Variants in ERO1B observed in about 807,000 individuals in gnomAD.
ERO1B encodes the protein endoplasmic reticulum oxidoreductase 1 beta, also known as ERO1-like protein beta.
A neutral mutation model predicts 75.3 loss-of-function variants in ERO1B; 49 were observed. The ratio of observed to expected loss-of-function variants is 0.65; its 90% CI spans 0.52 to 0.83. ERO1B has a LOEUF of 0.83. ERO1B is among the 40% of genes least tolerant of loss of function. The pLI is 0.00. For missense variants in ERO1B, 512 were observed against 560.1 expected (o/e 0.91, Z 0.87); for synonymous variants, 191 against 192.9 (o/e 0.99, Z 0.08).
intron 6 of ERO1B, among the ~76,000 whole-genome samples, chr1:236,240,690 C>T (rs957305277): frequency 7.9e-5 from 12 of 152,334 alleles, no homozygotes; most frequent in South Asian, 6.2e-4. Context: ...GCATCTACCA[C>T]GTCCAGGCAC....
chr1:236,234,912 G>A (rs1370964594), intron 8 of ERO1B, among the ~76,000 whole-genome samples: 1 of 152,080 alleles, frequency 6.6e-6, no homozygotes, highest in Admixed American at 6.6e-5. Flanking sequence ...CGCCACACAC[G>A]AGTGTTAACT....
intron 1 of ERO1B, among the ~76,000 whole-genome samples, chr1:236,271,633 T>G (rs1665590915): frequency 6.6e-6 from 1 of 151,888 alleles, no homozygotes; most frequent in South Asian, 2.1e-4. Context: ...CTCCCTAGGT[T>G]TTAAAAATAT....
At chr1:236,268,515 T>A (rs1368087464) in intron 2 of ERO1B, among the ~76,000 whole-genome samples, 1 of 152,070 alleles carries the variant, frequency 6.6e-6, no homozygotes, top group African/African-American at 2.4e-5. Context: ...ATAGATAGAT[T>A]GATCAATCGA....
intron 7 of ERO1B, among the ~76,000 whole-genome samples, 185 bp downstream of exon 7, chr1:236,236,093 T>A (rs1464235240): frequency 6.6e-6 from 1 of 152,024 alleles, no homozygotes; most frequent in East Asian, 1.9e-4. Context: ...CCCGGCTAAT[T>A]TTTTTGTATT....
Position 236,236,264 on chromosome 1 carries a change from C to A in ERO1B, c.626+14G>T, listed in dbSNP as rs568191651. 1.2e-6 allele frequency: 2 copies of A among 1,612,884 alleles called. No homozygotes were observed. The highest frequency in any genetic ancestry group is 1.7e-6 in the Non-Finnish European group (2 of 1,179,342). ...CTATCAGTCGTTCCTTCTTCCCCCACCCCCTCCAGTTACTTGAAACAGTTC... is the reference window on the plus strand; with the variant it reads ...CTATCAGTCGTTCCTTCTTCCCCCAACCCCTCCAGTTACTTGAAACAGTTC... On this transcript the variant is annotated intron_variant, in intron 7 of 15. Coordinates refer to ENST00000354619, the MANE Select transcript of ERO1B (RefSeq NM_019891.4).
At chr1:236,230,970 G>A (rs957070258) in intron 9 of ERO1B, among the ~76,000 whole-genome samples, 1 of 151,648 alleles carries the variant, frequency 6.6e-6, no homozygotes, top group Non-Finnish European at 1.5e-5. Context: ...CATTGAAGGT[G>A]TAAATATCTG....
chr1:236,229,068 C>T (rs575449293), intron 10 of ERO1B, among the ~76,000 whole-genome samples: 1 of 152,272 alleles, frequency 6.6e-6, no homozygotes, highest in Non-Finnish European at 1.5e-5. Context: ...TAACTCCTAA[C>T]AGAATTTGCA....
Position 236,243,503 on chromosome 1 carries a change from A to G in ERO1B, c.432-8T>C. On this transcript the variant is annotated splice_polypyrimidine_tract_variant and splice_region_variant and intron_variant, in intron 5 of 15. Coordinates refer to ENST00000354619, the MANE Select transcript of ERO1B (RefSeq NM_019891.4). ...GCTTCTTTGCTTTGATTACTATGGG[A>G]AGGAGGAATAAAAAAGAAAAATTAT... The G allele has an allele frequency of 1.3e-6, 2 of 1,582,872 alleles. No individual in the cohort carries two copies. The highest frequency in any genetic ancestry group is 2.3e-5 in the East Asian group (1 of 44,120).
intron 10 of ERO1B, 53 bp from the exon 11 acceptor site, chr1:236,226,792 A>G: frequency 7.2e-7 from 1 of 1,396,592 alleles, no homozygotes; most frequent in Non-Finnish European, 1.0e-6. Context: ...TATCAGAAAT[A>G]TTGACTCAAG....
Position 236,255,330 on chromosome 1 carries a change from A to G in ERO1B, c.223-1825T>C, listed in dbSNP as rs535342691. 3.3e-5 allele frequency among the ~76,000 whole-genome samples: 5 copies of G among 152,120 alleles called. No homozygotes were observed. In the East Asian group the frequency reaches 7.7e-4, roughly 24 times the overall value. ...TTCGCCGCATTCAAGTCTCTCTCACATATCACACCTAAGCAGAGAGACCAT... is the reference window on the plus strand; with the variant it reads ...TTCGCCGCATTCAAGTCTCTCTCACGTATCACACCTAAGCAGAGAGACCAT... On this transcript the variant is annotated intron_variant, in intron 2 of 15. Coordinates refer to ENST00000354619, the MANE Select transcript of ERO1B (RefSeq NM_019891.4).
At chr1:236,219,886 A>C (rs961917217) in intron 15 of ERO1B, among the ~76,000 whole-genome samples, 3 of 151,974 alleles carry the variant, frequency 2.0e-5, no homozygotes, top group African/African-American at 7.2e-5. Context: ...TAGCCAGGCA[A>C]AATAGCATGT....
At chr1:236,278,450 C>T (rs903618605) in intron 1 of ERO1B, among the ~76,000 whole-genome samples, 4 of 151,926 alleles carry the variant, frequency 2.6e-5, no homozygotes, top group Non-Finnish European at 5.9e-5. Context: ...TATTAGTTTC[C>T]TCTCACTGGG....
Position 236,225,063 on chromosome 1 carries a change from T to G in ERO1B, c.1122+7A>C, listed in dbSNP as rs1312420424. On this transcript the variant is annotated splice_region_variant and intron_variant, in intron 13 of 15. Transcript: ENST00000354619. ...CCAACCCCGTGTCCCAATCGAGAAC[T>G]TTTTACCTTTAGTGACTTGGCCCCT... is the stretch of plus-strand genomic sequence containing the variant. 1.2e-6 allele frequency: 2 copies of G among 1,613,588 alleles called. No individual in the cohort carries two copies. Among genetic ancestry groups the G allele is most frequent in the Non-Finnish European group, 8.5e-7 (1 of 1,179,536 alleles).
chr1:236,255,373 A>G lies in ERO1B; in HGVS notation c.223-1868T>C, dbSNP rs553052375. On this transcript the variant is annotated intron_variant, in intron 2 of 15. Transcript: ENST00000354619. Reference sequence around the variant, plus strand: ...GAGACCATTCCTGGCCAGGCTTGCTAAAGTAGTGCTCAGTATGCAACCTCT... The same window carrying G: ...GAGACCATTCCTGGCCAGGCTTGCTGAAGTAGTGCTCAGTATGCAACCTCT... Among the ~76,000 whole-genome samples the G allele has an allele frequency of 3.3e-5, 5 of 152,196 alleles. No individual in the cohort carries two copies. The South Asian group carries it at 6.2e-4, about 19-fold the overall frequency.
rs550043100 is a variant in ERO1B at position 236,254,986 on chromosome 1, G to A, written c.223-1481C>T. On this transcript the variant is annotated intron_variant, in intron 2 of 15. Transcript: ENST00000354619. ...TACCCAGGCTGGAGTGCAGTGGCAC[G>A]AACCTGGCTCACTGCAGCCTCGAAC... 3.3e-5 allele frequency among the ~76,000 whole-genome samples: 5 copies of A among 151,232 alleles called. No individual in the cohort carries two copies. In the South Asian group the frequency reaches 1.0e-3, roughly 32 times the overall value.
intron 15 of ERO1B, chr1:236,220,590 A>C: frequency 3.5e-6 from 1 of 285,382 alleles, no homozygotes; most frequent in Non-Finnish European, 6.4e-6. Context: ...TTAGAAGAAT[A>C]TCTCCCTTAC....
chr1:236,221,979 G>T lies in ERO1B; in HGVS notation c.1154C>A (p.Ser385Tyr). The change falls in exon 14 of 16, where the codon TCC (serine) becomes TAC (tyrosine). Residue 385 changes from serine (S) to tyrosine (Y), a missense_variant. Coordinates refer to ENST00000354619, the MANE Select transcript of ERO1B (RefSeq NM_019891.4). Reference protein sequence around the residue: ...EEFRLHFKNISRIMDCVGCDK... With the variant: ...EEFRLHFKNIYRIMDCVGCDK... ...ACATCCAACACAGTCCATTATACGG[G>T]AGATATTCTTGAAATGTAATCGGAA... is the stretch of plus-strand genomic sequence containing the variant. 2 of 1,613,676 alleles carry T rather than the reference G, an allele frequency of 1.2e-6. No homozygotes were observed. The highest frequency in any genetic ancestry group is 1.7e-6 in the Non-Finnish European group (2 of 1,179,676).
intron 1 of ERO1B, among the ~76,000 whole-genome samples, chr1:236,273,867 G>T (rs922379999): frequency 1.3e-5 from 2 of 150,068 alleles, no homozygotes; most frequent in African/African-American, 4.9e-5. Context: ...GAATAGAACC[G>T]CTGAAAGTAT....
chr1:236,237,762 A>C (rs1394083989), intron 6 of ERO1B, among the ~76,000 whole-genome samples: 5 of 152,170 alleles, frequency 3.3e-5, no homozygotes, highest in Non-Finnish European at 7.4e-5. Context: ...TATTCCCTGG[A>C]CAGTCAATGA....
Sources: gnomAD v4.1 joint callset for allele counts (sites outside exome capture counted in the v4.1 genomes callset) on GRCh38, gnomAD v4.1.1 for gene constraint, MANE v1.5 for transcripts, NCBI Gene and HGNC (gene_info 2026-07-23, HGNC 2026-07-21) for gene names.